Variants in ANKS1B observed in about 807,000 individuals in gnomAD.
ANKS1B encodes the protein ankyrin repeat and sterile alpha motif domain-containing protein 1B.
A neutral mutation model predicts 148.3 loss-of-function variants in ANKS1B; 36 were observed. The ratio of observed to expected loss-of-function variants is 0.24; its 90% CI spans 0.19 to 0.32. ANKS1B has a LOEUF of 0.32. Ranked by LOEUF, ANKS1B falls within the 10% of genes least tolerant of loss-of-function variation. ANKS1B has a pLI of 1.00. For missense variants in ANKS1B, 1,157 were observed against 1,542.6 expected (o/e 0.75, Z 4.19); for synonymous variants, 542 against 560.8 (o/e 0.97, Z 0.47).
At chr12:99,260,648 G>A (rs2075826882) in intron 12 of ANKS1B, among the ~76,000 whole-genome samples, 1 of 152,136 alleles carries the variant, frequency 6.6e-6, no homozygotes, top group African/African-American at 2.4e-5. Context: ...TCCTCTATAA[G>A]GCTTTGGTGC....
At chr12:99,218,542 C>G (rs922064483) in intron 14 of ANKS1B, among the ~76,000 whole-genome samples, 5 of 152,098 alleles carry the variant, frequency 3.3e-5, no homozygotes, top group African/African-American at 1.2e-4. Flanking sequence ...CTGAACAATT[C>G]CTAAACAGAA....
chr12:99,032,663 A>G (rs1240115206), intron 17 of ANKS1B, among the ~76,000 whole-genome samples: 1 of 152,238 alleles, frequency 6.6e-6, no homozygotes, highest in Non-Finnish European at 1.5e-5. Flanking sequence ...CTACGTGGAC[A>G]TATCTTTTGG....
At chr12:99,396,995 C>T (rs1419826071) in intron 12 of ANKS1B, among the ~76,000 whole-genome samples, 1 of 152,040 alleles carries the variant, frequency 6.6e-6, no homozygotes, top group South Asian at 2.1e-4. Context: ...TAATTATATG[C>T]CCAGAACCCT....
At chr12:98,800,769 C>A (rs2098998507) in intron 21 of ANKS1B, among the ~76,000 whole-genome samples, 1 of 150,624 alleles carries the variant, frequency 6.6e-6, no homozygotes, top group Admixed American at 6.6e-5. Context: ...TATAAGAGGT[C>A]ACAACAGACC....
At chr12:98,925,336 A>C (rs1035194330) in intron 17 of ANKS1B, among the ~76,000 whole-genome samples, 6 of 152,324 alleles carry the variant, frequency 3.9e-5, no homozygotes, top group African/African-American at 1.4e-4. Context: ...CGGCTACACA[A>C]AAATGATGCT....
intron 17 of ANKS1B, among the ~76,000 whole-genome samples, chr12:98,846,005 C>CAT (rs1262664878): frequency 0.12 from 17,447 of 149,456 alleles, 1,577 homozygotes; most frequent in African/African-American, 0.24. Flanking sequence ...CACACACACA[C>CAT]ATATATGTAC....
At chr12:99,493,306 T>G (rs1383139628) in intron 10 of ANKS1B, among the ~76,000 whole-genome samples, 1 of 152,220 alleles carries the variant, frequency 6.6e-6, no homozygotes, top group Non-Finnish European at 1.5e-5. Context: ...GGTTTTAAGA[T>G]TACTTTGACT....
chr12:99,577,885 G>A (rs2153225717), intron 9 of ANKS1B, among the ~76,000 whole-genome samples: 1 of 152,162 alleles, frequency 6.6e-6, no homozygotes, highest in African/African-American at 2.4e-5. Flanking sequence ...TATAAGGCCA[G>A]CACCATTTTG....
intron 17 of ANKS1B, among the ~76,000 whole-genome samples, chr12:99,012,522 A>G (rs993561415): frequency 1.3e-4 from 20 of 152,240 alleles, no homozygotes; most frequent in African/African-American, 3.9e-4. Flanking sequence ...GAGTTCCTCC[A>G]AAAGACAAAA....
intron 19 of ANKS1B, 33 bp from the exon 20 acceptor site, chr12:98,807,951 A>C: frequency 1.3e-6 from 2 of 1,563,802 alleles, no homozygotes; most frequent in Non-Finnish European, 1.8e-6. Flanking sequence ...TTATCTTGTC[A>C]ATATTTAAAA....
In ANKS1B at chr12:98,828,405, G is replaced by A. The variant is rs115626209; in HGVS notation, c.3066+769C>T. 4.4e-3 allele frequency among the ~76,000 whole-genome samples: 668 copies of A among 152,334 alleles called. 8 individuals are homozygous for A. The highest frequency in any genetic ancestry group is 0.015 in the African/African-American group (639 of 41,570). The stretch of plus-strand genomic sequence containing the variant: ...CCATCTTAGGTGTGGGAGGCAGAGA[G>A]AAGACTCCTGCACATCAGTCTGAAC... On this transcript the variant is annotated intron_variant, in intron 19 of 26. Transcript: ENST00000683438.
chr12:99,271,253 G>A (rs533876351), intron 12 of ANKS1B, among the ~76,000 whole-genome samples: 8 of 152,220 alleles, frequency 5.3e-5, no homozygotes, highest in Non-Finnish European at 1.0e-4. Context: ...CCTGTTTACT[G>A]TCACATGGTT....
chr12:99,728,596 ACCATTTGAC>A lies in ANKS1B; in HGVS notation c.1128+44317_1128+44325del, dbSNP rs1422499493. ...TCGTCAAGGATCTAGAACCAGAAAT[ACCATTTGAC>A]CCAGCAACCCCATTACTGGGTATAT... On this transcript the variant is annotated intron_variant, in intron 8 of 26. Coordinates refer to ENST00000683438, the MANE Select transcript of ANKS1B (RefSeq NM_001352186.2). Among the ~76,000 whole-genome samples the A allele has an allele frequency of 1.3e-5, 2 of 152,166 alleles. 1 individual carries two copies. Among genetic ancestry groups the A allele is most frequent in the Admixed American group, 1.3e-4 (2 of 15,270 alleles).
intron 20 of ANKS1B, among the ~76,000 whole-genome samples, chr12:98,803,768 C>T (rs1391558987): frequency 2.0e-5 from 3 of 152,188 alleles, no homozygotes; most frequent in Non-Finnish European, 4.4e-5. Context: ...CGTGTTAGTA[C>T]ATTAAGCATG....
intron 17 of ANKS1B, among the ~76,000 whole-genome samples, chr12:99,041,764 G>A (rs890706014): frequency 6.6e-6 from 1 of 152,120 alleles, no homozygotes; most frequent in Admixed American, 6.6e-5. Flanking sequence ...ACTTTGGGAT[G>A]CCTACATAGG....
chr12:98,821,030 A>T (rs1244809939), intron 19 of ANKS1B, among the ~76,000 whole-genome samples: 2 of 152,242 alleles, frequency 1.3e-5, no homozygotes, highest in African/African-American at 2.4e-5. Flanking sequence ...TTTGTAAAAC[A>T]CTTCGAAAAA....
chr12:99,874,270 A>AT (rs2091858785), intron 1 of ANKS1B, among the ~76,000 whole-genome samples: 1 of 152,044 alleles, frequency 6.6e-6, no homozygotes, highest in Non-Finnish European at 1.5e-5. Context: ...TAATATAATT[A>AT]TTTTACCGCA....
chr12:99,409,658 A>G lies in ANKS1B; in HGVS notation c.1576-9847T>C, dbSNP rs75346049. 3.1e-3 allele frequency among the ~76,000 whole-genome samples: 466 copies of G among 152,314 alleles called. 4 individuals carry two copies. Among genetic ancestry groups the G allele is most frequent in the Non-Finnish European group, 5.1e-3 (346 of 68,024 alleles). On this transcript the variant is annotated intron_variant, in intron 11 of 26. Coordinates refer to ENST00000683438, the MANE Select transcript of ANKS1B (RefSeq NM_001352186.2). ...TACTATGTACCCCAAAAAACTAAAA[A>G]TTAAAATAAAAAAGAGATATCTATG... is the stretch of plus-strand genomic sequence containing the variant.
rs184443556 is a variant in ANKS1B, at chr12:99,308,024, T to C, written c.1757-61160A>G. ...TTGTTCTCTATCAACCTGATCTATC[T>C]TCTGCTGATAGCTGATTAAACAAAC... On this transcript the variant is annotated intron_variant, in intron 12 of 26. Coordinates refer to ENST00000683438, the MANE Select transcript of ANKS1B (RefSeq NM_001352186.2). Among the ~76,000 whole-genome samples, 38 of 152,210 alleles carry C rather than the reference T, an allele frequency of 2.5e-4. No individual in the cohort carries two copies. In the East Asian group the frequency reaches 5.8e-3, roughly 23 times the overall value.
Sources: allele counts gnomAD v4.1 joint callset (sites outside exome capture counted in the v4.1 genomes callset), GRCh38; gene constraint gnomAD v4.1.1; transcripts MANE v1.5; gene names NCBI Gene and HGNC (gene_info 2026-07-23, HGNC 2026-07-21).